Variants in EPHA6 observed in about 807,000 individuals in gnomAD.
EPHA6 encodes ephrin type-A receptor 6.
EPHA6 carries 50 observed loss-of-function variants against 112.0 expected under a neutral mutation model. That is an observed-to-expected ratio of 0.45 (90% CI 0.36 to 0.56). The LOEUF is 0.56. Ranked by LOEUF, EPHA6 falls within the 20% of genes least tolerant of loss-of-function variation. The pLI is 0.00. For synonymous variants in EPHA6, 529 were observed against 490.7 expected (o/e 1.08, Z -1.03); for missense variants, 1,280 against 1,417.4 (o/e 0.90, Z 1.56).
At chr3:97,639,658 T>C (rs1173035467) in intron 14 of EPHA6, among the ~76,000 whole-genome samples, 2 of 152,160 alleles carry the variant, frequency 1.3e-5, no homozygotes, top group Non-Finnish European at 1.5e-5. Context: ...CTAAATGTAA[T>C]ATACTCATGA....
chr3:97,225,845 G>A (rs1159115358), intron 3 of EPHA6, among the ~76,000 whole-genome samples: 1 of 152,182 alleles, frequency 6.6e-6, no homozygotes, highest in East Asian at 1.9e-4. Context: ...CAGAAGAACT[G>A]AAGGGAAAAT....
chr3:97,452,573 T>G (rs1453179696), intron 7 of EPHA6, among the ~76,000 whole-genome samples: 1 of 151,804 alleles, frequency 6.6e-6, no homozygotes, highest in African/African-American at 2.4e-5. Context: ...GATTGCCCCC[T>G]TCCTTCTTTA....
At chr3:96,815,123 C>T (rs1576032160) in intron 1 of EPHA6, 115 bp downstream of exon 1, 3 of 1,057,228 alleles carry the variant, frequency 2.8e-6, no homozygotes, top group African/African-American at 1.6e-5. Flanking sequence ...TCTCCTGGCT[C>T]GCCACACGAG....
At chr3:97,099,442 A>G (rs1043757802) in intron 3 of EPHA6, among the ~76,000 whole-genome samples, 25 of 152,028 alleles carry the variant, frequency 1.6e-4, no homozygotes, top group African/African-American at 6.0e-4. Flanking sequence ...ATTTATAAGC[A>G]TGTTCAGTTA....
At chr3:97,553,360 T>C (rs1366125847) in intron 11 of EPHA6, among the ~76,000 whole-genome samples, 1 of 152,020 alleles carries the variant, frequency 6.6e-6, no homozygotes, top group Non-Finnish European at 1.5e-5. Flanking sequence ...AAAACCTACC[T>C]AAATCTAAAG....
At position 97,760,378 on chromosome 3, in the gene EPHA6, A is replaced by G; in HGVS notation, c.*11677A>G. The G allele has an allele frequency of 6.3e-6, 1 of 159,972 alleles. No individual in the cohort carries two copies. The highest frequency in any genetic ancestry group is 1.4e-5 in the Non-Finnish European group (1 of 73,968). 9.9% of individuals were successfully genotyped at this position (159,972 alleles called of 1,614,324 possible). A position where few individuals can be genotyped will look rare whatever the true frequency, so the allele number is the denominator to read the frequency against. ...ATATATATGTATATATACCATATGT[A>G]TATATACATATGTATGTGTGTATGT... is the stretch of plus-strand genomic sequence containing the variant. On this transcript the variant is annotated 3_prime_UTR_variant, in exon 18 of 18. Transcript: ENST00000389672.
intron 11 of EPHA6, among the ~76,000 whole-genome samples, chr3:97,565,457 G>T (rs769862297): frequency 1.4e-4 from 22 of 151,956 alleles, no homozygotes; most frequent in Non-Finnish European, 2.5e-4. Flanking sequence ...AAGCACTAAT[G>T]GTAACTGAAT....
At chr3:97,132,060 T>C (rs2075644040) in intron 3 of EPHA6, among the ~76,000 whole-genome samples, 1 of 152,114 alleles carries the variant, frequency 6.6e-6, no homozygotes, top group Non-Finnish European at 1.5e-5. Flanking sequence ...GTGAAAAACC[T>C]GTGAATATCA....
At chr3:97,368,386 AT>A (rs2084858654) in intron 5 of EPHA6, among the ~76,000 whole-genome samples, 2 of 152,296 alleles carry the variant, frequency 1.3e-5, no homozygotes, top group African/African-American at 4.8e-5. Flanking sequence ...ACAATACTTC[AT>A]CGTGTATAAA....
intron 3 of EPHA6, among the ~76,000 whole-genome samples, chr3:97,099,828 C>A (rs1015959904): frequency 4.6e-5 from 7 of 151,906 alleles, no homozygotes; most frequent in African/African-American, 1.4e-4. Flanking sequence ...GGAGCAAAGT[C>A]CCACAGCTGA....
rs1559652580 is a variant in EPHA6, at chr3:97,755,102, G to C, written c.*6401G>C. ...TCTCTACATCATTAAGAGAACTTTT[G>C]ATTTGTTTCATTATAGAGAAAGTCT... On this transcript the variant is annotated 3_prime_UTR_variant, in exon 18 of 18. Transcript: ENST00000389672. Among the ~76,000 whole-genome samples the C allele has an allele frequency of 6.6e-6, 1 of 152,124 alleles. No homozygotes were observed. The highest frequency in any genetic ancestry group is 1.5e-5 in the Non-Finnish European group (1 of 68,008).
At position 97,230,015 on chromosome 3, in the gene EPHA6, G is replaced by T. The variant is rs966829272; in HGVS notation, c.1270+3596G>T. On this transcript the variant is annotated intron_variant, in intron 4 of 17. Coordinates refer to ENST00000389672, the MANE Select transcript of EPHA6 (RefSeq NM_001080448.3). ...ACTATACATGCAATCTTTCTTGCAT[G>T]GTTACTGAATAGTATTATATATAGT... 3.1e-4 allele frequency among the ~76,000 whole-genome samples: 47 copies of T among 152,118 alleles called. 1 individual carries two copies. The highest frequency in any genetic ancestry group is 8.9e-4 in the African/African-American group (37 of 41,526).
At chr3:97,646,059 T>C in intron 14 of EPHA6, 2 of 1,308,792 alleles carry the variant, frequency 1.5e-6, no homozygotes, top group South Asian at 3.0e-5. Flanking sequence ...AAGCTATCCT[T>C]TTCTAATCAA....
At position 97,405,288 on chromosome 3, in the gene EPHA6, G is replaced by C. The variant is rs2087265095; in HGVS notation, c.1731+14G>C. ...TACTATGAGAAAGTAGGTCTTATTT[G>C]GAGCTTCCTATAAAACTACATATAT... On this transcript the variant is annotated intron_variant, in intron 6 of 17. Transcript: ENST00000389672. 6.2e-7 allele frequency: 1 copy of C among 1,607,258 alleles called. No individual in the cohort carries two copies. Among genetic ancestry groups the C allele is most frequent in the African/African-American group, 1.3e-5 (1 of 74,664 alleles).
rs138672419 is a variant in EPHA6 at position 97,523,155 on chromosome 3, C to T, written c.2201-9203C>T. Among the ~76,000 whole-genome samples, 220 of 152,054 alleles carry T rather than the reference C, an allele frequency of 1.4e-3. 1 individual carries two copies. The highest frequency in any genetic ancestry group is 5.1e-3 in the African/African-American group (213 of 41,526). On this transcript the variant is annotated intron_variant, in intron 10 of 17. Coordinates refer to ENST00000389672, the MANE Select transcript of EPHA6 (RefSeq NM_001080448.3). ...TTAAGAACTTTTCTCTTTTGTAATG[C>T]AGGCATTTATTGCTATAAACTTCCC...
At chr3:97,100,223 C>T (rs1475740724) in intron 3 of EPHA6, among the ~76,000 whole-genome samples, 3 of 149,756 alleles carry the variant, frequency 2.0e-5, no homozygotes, top group African/African-American at 7.3e-5. Context: ...TCAAAGCACA[C>T]AATAAATATA....
intron 3 of EPHA6, among the ~76,000 whole-genome samples, chr3:96,999,976 C>T (rs1426376171): frequency 6.6e-6 from 1 of 151,818 alleles, no homozygotes; most frequent in Non-Finnish European, 1.5e-5. Flanking sequence ...CCTTCCAGCT[C>T]TCAACCCAGC....
At position 96,841,386 on chromosome 3, in the gene EPHA6, A is replaced by C. The variant is rs531819793; in HGVS notation, c.386-25439A>C. ...TTTAACTTAGTGGTATTGGGGCCCC[A>C]TGATTAATTTTCCTTTCACAGTTTG... is the stretch of plus-strand genomic sequence containing the variant. On this transcript the variant is annotated intron_variant, in intron 1 of 17. Coordinates refer to ENST00000389672, the MANE Select transcript of EPHA6 (RefSeq NM_001080448.3). Among the ~76,000 whole-genome samples the C allele has an allele frequency of 1.3e-4, 20 of 152,208 alleles. 1 individual carries two copies. The South Asian group carries it at 4.1e-3, about 32-fold the overall frequency.
intron 11 of EPHA6, among the ~76,000 whole-genome samples, chr3:97,551,514 C>T (rs2093028788): frequency 6.6e-6 from 1 of 151,998 alleles, no homozygotes; most frequent in Non-Finnish European, 1.5e-5. Flanking sequence ...ATTCTTAGCC[C>T]TGAAAATAAT....
Sources: allele counts gnomAD v4.1 joint callset (sites outside exome capture counted in the v4.1 genomes callset), GRCh38; gene constraint gnomAD v4.1.1; transcripts MANE v1.5; gene names NCBI Gene and HGNC (gene_info 2026-07-23, HGNC 2026-07-21).